Variants in CLSTN2 observed in about 807,000 individuals in gnomAD.
CLSTN2 encodes calsyntenin 2.
CLSTN2 carries 48 observed loss-of-function variants against 101.2 expected under a neutral mutation model. That is an observed-to-expected ratio of 0.47 (90% CI 0.38 to 0.60). The LOEUF is 0.60. Ranked by LOEUF, CLSTN2 falls within the 20% of genes least tolerant of loss-of-function variation. The pLI is 0.00. For missense variants in CLSTN2, 1,160 were observed against 1,238.2 expected (o/e 0.94, Z 0.95); for synonymous variants, 481 against 463.6 (o/e 1.04, Z -0.48).
intron 1 of CLSTN2, among the ~76,000 whole-genome samples, chr3:140,056,707 G>A (rs149245704): frequency 1.3e-5 from 2 of 152,186 alleles, no homozygotes; most frequent in Non-Finnish European, 2.9e-5. Flanking sequence ...ACCTACAGTT[G>A]TGGACCTAAA....
At position 140,349,752 on chromosome 3, in the gene CLSTN2, C is replaced by T. The variant is rs113780131; in HGVS notation, c.233-53877C>T. ...AACAAATGCCCATTTACAATCTTTG[C>T]TTGCTACCTTTTCACCTTGGCTCCA... On this transcript the variant is annotated intron_variant, in intron 2 of 16. Transcript: ENST00000458420. 1.8e-3 allele frequency among the ~76,000 whole-genome samples: 273 copies of T among 152,308 alleles called. 1 individual carries two copies. The highest frequency in any genetic ancestry group is 6.0e-3 in the African/African-American group (251 of 41,576).
At chr3:140,105,423 T>C (rs1425312506) in intron 1 of CLSTN2, among the ~76,000 whole-genome samples, 3 of 152,194 alleles carry the variant, frequency 2.0e-5, no homozygotes, top group Non-Finnish European at 4.4e-5. Context: ...TTTTGGTAGC[T>C]TTTGTAATAA....
Position 139,971,607 on chromosome 3 carries a change from A to G in CLSTN2, c.109+36124A>G, listed in dbSNP as rs141849733. 1.7e-3 allele frequency among the ~76,000 whole-genome samples: 258 copies of G among 152,336 alleles called. 1 individual carries two copies. The highest frequency in any genetic ancestry group is 5.9e-3 in the African/African-American group (244 of 41,578). Reference sequence around the variant, plus strand: ...AGCAGGAACAGTTGTTAAGCATGGAATGAGTCTATATCCAAGTGAGCCAAG... The same window carrying G: ...AGCAGGAACAGTTGTTAAGCATGGAGTGAGTCTATATCCAAGTGAGCCAAG... On this transcript the variant is annotated intron_variant, in intron 1 of 16. Transcript: ENST00000458420.
Position 140,139,742 on chromosome 3 carries a change from G to A in CLSTN2, c.110-36209G>A, listed in dbSNP as rs117142326. 6.8e-4 allele frequency among the ~76,000 whole-genome samples: 103 copies of A among 152,322 alleles called. No homozygotes were observed. In the East Asian group the frequency reaches 0.017, roughly 25 times the overall value. On this transcript the variant is annotated intron_variant, in intron 1 of 16. Transcript: ENST00000458420. ...GCTTTTAAGATGAGTTCATTACTCT[G>A]TGTAACAGCAACCACTCACATTCTT...
intron 2 of CLSTN2, among the ~76,000 whole-genome samples, chr3:140,346,834 T>A (rs1245915571): frequency 6.6e-6 from 1 of 152,164 alleles, no homozygotes; most frequent in African/African-American, 2.4e-5. Flanking sequence ...TGGTTCTTGG[T>A]AGATGCTCCA....
At chr3:140,151,647 C>T (rs2009868345) in intron 1 of CLSTN2, among the ~76,000 whole-genome samples, 2 of 152,130 alleles carry the variant, frequency 1.3e-5, no homozygotes, top group African/African-American at 4.8e-5. Context: ...AAGGCACTCA[C>T]CTATCTCTTG....
intron 2 of CLSTN2, among the ~76,000 whole-genome samples, chr3:140,225,921 A>ATTTTT (rs1559811623): frequency 3.2e-4 from 47 of 148,890 alleles, no homozygotes; most frequent in African/African-American, 1.2e-3. Context: ...TTTTTTTAAA[A>ATTTTT]AAAAAAGGAC....
At chr3:140,034,281 G>A (rs189425466) in intron 1 of CLSTN2, among the ~76,000 whole-genome samples, 93 of 152,328 alleles carry the variant, frequency 6.1e-4, no homozygotes, top group African/African-American at 2.1e-3. Context: ...TTTTCAGAGA[G>A]GGAGTCTATG....
chr3:140,207,571 A>C (rs988817800), intron 2 of CLSTN2, among the ~76,000 whole-genome samples: 2 of 152,212 alleles, frequency 1.3e-5, no homozygotes, highest in African/African-American at 4.8e-5. Flanking sequence ...TCAAAAGTTC[A>C]AAACACCTGT....
intron 9 of CLSTN2, among the ~76,000 whole-genome samples, chr3:140,532,869 T>C (rs1320023052): frequency 2.0e-5 from 3 of 152,164 alleles, no homozygotes; most frequent in Non-Finnish European, 2.9e-5. Flanking sequence ...GAACCAAGGA[T>C]CTCCCTTTAT....
At chr3:140,391,251 A>G (rs1431570641) in intron 2 of CLSTN2, among the ~76,000 whole-genome samples, 3 of 152,168 alleles carry the variant, frequency 2.0e-5, no homozygotes, top group Non-Finnish European at 4.4e-5. Flanking sequence ...AGCTGCCCTC[A>G]GGGCAAAGGA....
At chr3:140,230,323 A>G (rs1038142809) in intron 2 of CLSTN2, among the ~76,000 whole-genome samples, 4 of 152,220 alleles carry the variant, frequency 2.6e-5, no homozygotes, top group Non-Finnish European at 5.9e-5. Context: ...CATATGTCAA[A>G]CCAGTGGGTA....
intron 1 of CLSTN2, among the ~76,000 whole-genome samples, chr3:139,984,577 G>T (rs1243587561): frequency 1.3e-5 from 2 of 152,084 alleles, no homozygotes; most frequent in Non-Finnish European, 2.9e-5. Flanking sequence ...TGACACCAGA[G>T]TCTCTGTTCC....
At chr3:140,432,113 G>T (rs2107998566) in intron 5 of CLSTN2, among the ~76,000 whole-genome samples, 1 of 152,278 alleles carries the variant, frequency 6.6e-6, no homozygotes, top group East Asian at 1.9e-4. Context: ...GGATCAAAGG[G>T]AGACAGTGGG....
At chr3:140,153,689 T>A (rs2009905138) in intron 1 of CLSTN2, among the ~76,000 whole-genome samples, 1 of 152,244 alleles carries the variant, frequency 6.6e-6, no homozygotes, top group African/African-American at 2.4e-5. Context: ...TTGGGACTTC[T>A]CAAATTCTCT....
chr3:140,556,704 T>G (rs1935803363), intron 11 of CLSTN2, 43 bp downstream of exon 11: 1 of 1,599,960 alleles, frequency 6.3e-7, no homozygotes, highest in South Asian at 1.1e-5. Flanking sequence ...GAGGCAGCAG[T>G]TGGGAAGGTC....
At chr3:140,434,055 G>A (rs555712445) in intron 5 of CLSTN2, among the ~76,000 whole-genome samples, 98 of 152,284 alleles carry the variant, frequency 6.4e-4, no homozygotes, top group Middle Eastern at 3.4e-3. Flanking sequence ...CAGCCAGCCT[G>A]GGTACCTATG....
intron 1 of CLSTN2, among the ~76,000 whole-genome samples, chr3:140,133,896 C>T (rs988196362): frequency 3.3e-5 from 5 of 152,116 alleles, no homozygotes; most frequent in Admixed American, 6.5e-5. Flanking sequence ...CAGAATCAGG[C>T]CTCTGTGTAG....
chr3:140,338,380 T>C (rs1165234620), intron 2 of CLSTN2, among the ~76,000 whole-genome samples: 1 of 152,146 alleles, frequency 6.6e-6, no homozygotes, highest in East Asian at 1.9e-4. Flanking sequence ...GAATCTATAA[T>C]ATCACCACAA....
Sources: gnomAD v4.1 joint callset for allele counts (sites outside exome capture counted in the v4.1 genomes callset) on GRCh38, gnomAD v4.1.1 for gene constraint, MANE v1.5 for transcripts, NCBI Gene and HGNC (gene_info 2026-07-23, HGNC 2026-07-21) for gene names.